Variants in PKHD1 observed in about 807,000 individuals in gnomAD.
The protein encoded by PKHD1 is PKHD1 ciliary IPT domain containing fibrocystin/polyductin, also known as fibrocystin.
In PKHD1, 291 loss-of-function variants were observed where a neutral mutation model predicts 412.0. That is an observed-to-expected ratio of 0.71 (90% confidence interval 0.64 to 0.78). The LOEUF (loss-of-function observed/expected upper bound fraction) is 0.78, where lower values mean the gene tolerates loss of function less well. Among genes scored for constraint, PKHD1 ranks in the 30% least tolerant of loss-of-function variants. The probability of loss-of-function intolerance (pLI) is 0.00; values close to 1 mark genes in which losing one functional copy is unlikely to be tolerated. For missense variants in PKHD1, 4,825 were observed against 4,950.7 expected, an observed-to-expected ratio of 0.97 and a Z score of 0.76; for synonymous variants, 1,777 against 1,821.5, an observed-to-expected ratio of 0.98 and a Z score of 0.62.
chr6:51,787,005 A>T (rs1388046031), intron 53 of PKHD1, among the ~76,000 whole-genome samples: 3 of 152,184 alleles, frequency 2.0e-5, no homozygotes, highest in Non-Finnish European at 2.9e-5. Context: ...TAATTCTAGC[A>T]TTCTATGATT....
At chr6:51,756,564 G>A (rs778485066) in intron 55 of PKHD1, among the ~76,000 whole-genome samples, 6 of 152,106 alleles carry the variant, frequency 3.9e-5, no homozygotes, top group Non-Finnish European at 7.4e-5. Context: ...TTGTTGAAGA[G>A]CACTGAATTA....
intron 47 of PKHD1, 66 bp downstream of exon 47, chr6:51,870,438 C>T (rs1039063367): frequency 3.1e-6 from 4 of 1,270,186 alleles, no homozygotes; most frequent in Non-Finnish European, 4.6e-6. Flanking sequence ...GTATTTGCCA[C>T]TATTTATAAT....
intron 52 of PKHD1, among the ~76,000 whole-genome samples, chr6:51,798,553 C>G (rs971683224): frequency 2.0e-5 from 3 of 152,076 alleles, no homozygotes; most frequent in Non-Finnish European, 4.4e-5. Flanking sequence ...TTGCCTTTAA[C>G]ATTTTTGCCT....
At position 51,729,532 on chromosome 6, in the gene PKHD1, T is replaced by C. The variant is rs920377410; in HGVS notation, c.10156+14853A>G. ...GCATGATATATTTTCTTTTTCATTT[T>C]CTGTTTTACTGTTTTATTTATTCAT... On this transcript the variant is annotated intron_variant, in intron 60 of 66. Coordinates refer to ENST00000371117, the MANE Select transcript of PKHD1 (RefSeq NM_138694.4). Among the ~76,000 whole-genome samples the C allele has an allele frequency of 2.1e-4, 32 of 152,202 alleles. 1 individual carries two copies. Among genetic ancestry groups the C allele is most frequent in the Admixed American group, 2.0e-4 (3 of 15,268 alleles).
chr6:51,698,402 G>T (rs532694982), intron 60 of PKHD1, among the ~76,000 whole-genome samples: 1 of 152,314 alleles, frequency 6.6e-6, no homozygotes, highest in Non-Finnish European at 1.5e-5. Flanking sequence ...ATTATCATCA[G>T]CATGGGTTTC....
At chr6:51,721,978 C>T (rs753918814) in intron 60 of PKHD1, 15 of 1,613,582 alleles carry the variant, frequency 9.3e-6, no homozygotes, top group South Asian at 5.5e-5. Context: ...TTCCTGCAGG[C>T]TCCTCCTCTA....
At chr6:51,819,954 T>C (rs781040660) in intron 52 of PKHD1, among the ~76,000 whole-genome samples, 7 of 152,290 alleles carry the variant, frequency 4.6e-5, no homozygotes, top group Middle Eastern at 3.4e-3. Context: ...CTGAGTAACA[T>C]TGACCTAAAA....
At chr6:51,790,768 C>G (rs1046257240) in intron 53 of PKHD1, among the ~76,000 whole-genome samples, 2 of 152,126 alleles carry the variant, frequency 1.3e-5, no homozygotes, top group Non-Finnish European at 2.9e-5. Context: ...GATTATTTGT[C>G]CCAGTAAAGT....
rs1298071743 is a variant in PKHD1 at position 51,887,978 on chromosome 6, C to T, written c.6997-733G>A. Among the ~76,000 whole-genome samples, 3 of 152,232 alleles carry T rather than the reference C, an allele frequency of 2.0e-5. No homozygotes were observed. In the East Asian group the frequency reaches 5.8e-4, roughly 29 times the overall value. ...GAGTTTACTCATGACATCTAAAATT[C>T]TCCTCTTTGGTGAATGCAACAGTAT... On this transcript the variant is annotated intron_variant, in intron 43 of 66. Transcript: ENST00000371117.
intron 33 of PKHD1, among the ~76,000 whole-genome samples, chr6:52,020,383 T>C (rs924074347): frequency 1.3e-5 from 2 of 152,212 alleles, no homozygotes; most frequent in African/African-American, 2.4e-5. Context: ...CTTACGATGC[T>C]ACCCAATTTG....
chr6:51,869,553 GA>G (rs1467765157), intron 47 of PKHD1, among the ~76,000 whole-genome samples: 1 of 152,128 alleles, frequency 6.6e-6, no homozygotes, highest in Non-Finnish European at 1.5e-5. Flanking sequence ...TTAAGCAAAT[GA>G]AAAGAGGGGT....
At chr6:51,809,262 T>G (rs1273570780) in intron 52 of PKHD1, among the ~76,000 whole-genome samples, 1 of 152,010 alleles carries the variant, frequency 6.6e-6, no homozygotes, top group Non-Finnish European at 1.5e-5. Flanking sequence ...ACAACAGAAT[T>G]TTTTTTAGCA....
chr6:51,982,179 GGGA>G (rs1257839597), intron 35 of PKHD1, among the ~76,000 whole-genome samples: 2 of 43,222 alleles, frequency 4.6e-5, no homozygotes, highest in African/African-American at 7.7e-5. Flanking sequence ...CCGTCCGGGA[GGGA>G]GGTGGGGGGG....
At chr6:52,080,916 A>C (rs1387143983) in intron 4 of PKHD1, among the ~76,000 whole-genome samples, 1 of 152,192 alleles carries the variant, frequency 6.6e-6, no homozygotes, top group African/African-American at 2.4e-5. Flanking sequence ...CTAAATAGAA[A>C]ATTTTAAATT....
chr6:51,855,401 T>A (rs948291924), intron 49 of PKHD1, among the ~76,000 whole-genome samples: 1 of 152,216 alleles, frequency 6.6e-6, no homozygotes, highest in Non-Finnish European at 1.5e-5. Flanking sequence ...ACTGCTCTTA[T>A]TTGTCTCCCT....
At chr6:51,962,709 G>A (rs1792245870) in intron 35 of PKHD1, among the ~76,000 whole-genome samples, 1 of 151,980 alleles carries the variant, frequency 6.6e-6, no homozygotes, top group African/African-American at 2.4e-5. Context: ...CCTCTCCCGG[G>A]ATGCTCTTTC....
intron 35 of PKHD1, among the ~76,000 whole-genome samples, chr6:51,969,657 C>T (rs1396726630): frequency 6.6e-6 from 1 of 152,096 alleles, no homozygotes; most frequent in Non-Finnish European, 1.5e-5. Context: ...TGGAATTTGA[C>T]TTTCTGAGTT....
In PKHD1 at chr6:51,882,994, G is replaced by A. The variant is rs562581601; in HGVS notation, c.7350+99C>T. ...CTAATTAAATATGAGATTCACTAAAGAATGCTATTAAAATTGCATATCCTG... is the reference window on the plus strand; with the variant it reads ...CTAATTAAATATGAGATTCACTAAAAAATGCTATTAAAATTGCATATCCTG... On this transcript the variant is annotated intron_variant, in intron 46 of 66. Coordinates refer to ENST00000371117, the MANE Select transcript of PKHD1 (RefSeq NM_138694.4). The A allele has an allele frequency of 7.0e-5, 61 of 865,934 alleles. 1 individual carries two copies. In the African/African-American group the frequency reaches 9.7e-4, roughly 14 times the overall value. 53.6% of individuals were successfully genotyped at this position (865,934 alleles called of 1,614,324 possible). A position where few individuals can be genotyped will look rare whatever the true frequency, so the allele number is the denominator to read the frequency against.
chr6:52,058,529 T>G lies in PKHD1; in HGVS notation c.1306A>C (p.Thr436Pro), dbSNP rs1443048316. Residue 436 changes from threonine (T) to proline (P), a missense_variant, in exon 16 of 67, where the codon ACC becomes CCC. Coordinates refer to ENST00000371117, the MANE Select transcript of PKHD1 (RefSeq NM_138694.4). ...DSWEQNRDEG[T>P]WQQKTPKLEL... The stretch of plus-strand genomic sequence containing the variant: ...AACTTGGGAGTCTTCTGCTGCCAGG[T>G]CCCTTCATCCCTATTCTGCTCCCAG... The G allele has an allele frequency of 6.2e-7, 1 of 1,614,024 alleles. No homozygotes were observed. Among genetic ancestry groups the G allele is most frequent in the East Asian group, 2.2e-5 (1 of 44,896 alleles).
Sources: gnomAD v4.1 joint callset for allele counts (sites outside exome capture counted in the v4.1 genomes callset) on GRCh38, gnomAD v4.1.1 for gene constraint, MANE v1.5 for transcripts, NCBI Gene and HGNC (gene_info 2026-07-23, HGNC 2026-07-21) for gene names.